The following SI variants were observed in gnomAD, a reference collection of about 807,000 sequenced individuals.
The protein encoded by SI is sucrase-isomaltase, intestinal.
Under a neutral mutation model 253.3 loss-of-function variants are expected in SI, and 235 were observed. The ratio of observed to expected loss-of-function variants is 0.93; its 90% CI spans 0.83 to 1.03. The LOEUF is 1.03. Ranked by LOEUF, SI falls within the 50% of genes least tolerant of loss-of-function variation. The pLI is 0.00. For missense variants in SI, 2,442 were observed against 2,211.1 expected (o/e 1.10, Z -2.09); for synonymous variants, 819 against 712.0 (o/e 1.15, Z -2.39).
At chr3:165,040,899 C>A in intron 18 of SI, 41 bp downstream of exon 18, 1 of 1,510,896 alleles carries the variant, frequency 6.6e-7, no homozygotes, top group South Asian at 1.1e-5. Context: ...TTTGAACATA[C>A]TTTAAAAGGT....
At position 164,998,655 on chromosome 3, in the gene SI, A is replaced by G. The variant is rs780456625; in HGVS notation, c.4425T>C (p.Thr1475=). Residue 1475 remains threonine, a synonymous_variant, in exon 38 of 48, where the codon ACT becomes ACC. Transcript: ENST00000264382. ...KPTHDALQKT[T]GKRGIVISRS... The stretch of plus-strand genomic sequence containing the variant: ...GAGAAATTACAATCCCTCTTTTTCC[A>G]GTTGTCTTCTGCAATGCACTAATAT... 6.2e-7 allele frequency: 1 copy of G among 1,611,406 alleles called. No homozygotes were observed. The highest frequency in any genetic ancestry group is 8.5e-7 in the Non-Finnish European group (1 of 1,178,128).
At chr3:165,004,402 A>C (rs925720014) in intron 37 of SI, among the ~76,000 whole-genome samples, 19 of 152,262 alleles carry the variant, frequency 1.2e-4, no homozygotes, top group African/African-American at 4.3e-4. Context: ...GTTTCCCCAA[A>C]AAATAAAAAT....
intron 25 of SI, among the ~76,000 whole-genome samples, chr3:165,029,372 A>C (rs989632008): frequency 2.0e-5 from 3 of 150,766 alleles, no homozygotes; most frequent in African/African-American, 7.3e-5. Flanking sequence ...AACAGTGTGG[A>C]GATTCCTTAA....
chr3:165,060,012 C>A lies in SI; in HGVS notation c.1036G>T (p.Ala346Ser). ...CCAAGATTCCAATATGCTGGCATTG[C>A]TGGTAGTCCAACAAGCTTAAAGTAA... ...QQYQQLVGLP[A>S]MPAYWNLGFQ... The change falls in exon 10 of 48, where the codon GCA (alanine) becomes TCA (serine). Residue 346 changes from alanine (A) to serine (S), a missense_variant. Ala to Ser is a moderately conservative substitution (Grantham distance 99). Coordinates refer to ENST00000264382, the MANE Select transcript of SI (RefSeq NM_001041.4). 1 of 1,611,594 alleles carries A rather than the reference C, an allele frequency of 6.2e-7. No homozygotes were observed. Among genetic ancestry groups the A allele is most frequent in the Non-Finnish European group, 8.5e-7 (1 of 1,178,374 alleles).
chr3:164,989,111 T>C (rs1576868660), intron 44 of SI, among the ~76,000 whole-genome samples: 3 of 146,596 alleles, frequency 2.0e-5, no homozygotes, highest in Admixed American at 1.3e-4. Context: ...AATAAATACA[T>C]AATTAAAAAA....
intron 9 of SI, 108 bp downstream of exon 9, chr3:165,062,263 T>G (rs1000428042): frequency 4.5e-6 from 3 of 667,002 alleles, no homozygotes; most frequent in Non-Finnish European, 8.1e-6. Flanking sequence ...CGAAAACATT[T>G]AGCTAAGAGG....
chr3:164,980,229 AC>A (rs1433806423), intron 47 of SI, among the ~76,000 whole-genome samples: 1 of 151,956 alleles, frequency 6.6e-6, no homozygotes, highest in African/African-American at 2.4e-5. Context: ...GGATTAATTT[AC>A]CACATTTGAT....
At chr3:165,051,006 T>C (rs1713399279) in intron 13 of SI, among the ~76,000 whole-genome samples, 1 of 152,080 alleles carries the variant, frequency 6.6e-6, no homozygotes, top group South Asian at 2.1e-4. Flanking sequence ...CTGAGACCGA[T>C]GGTGTCACTC....
chr3:165,025,478 C>T (rs1711863368), intron 25 of SI, among the ~76,000 whole-genome samples: 1 of 150,994 alleles, frequency 6.6e-6, no homozygotes, highest in African/African-American at 2.4e-5. Flanking sequence ...TCTAGACATC[C>T]AAATACAAGA....
chr3:165,077,231 C>T (rs1242094093), intron 1 of SI, among the ~76,000 whole-genome samples: 1 of 151,526 alleles, frequency 6.6e-6, no homozygotes, highest in Non-Finnish European at 1.5e-5. Flanking sequence ...TTCAATCCCT[C>T]CCCATCCACT....
chr3:165,040,928 C>T lies in SI; in HGVS notation c.2159+12G>A, dbSNP rs376831754. 221 of 1,591,992 alleles carry T rather than the reference C, an allele frequency of 1.4e-4. 2 individuals carry two copies. The highest frequency in any genetic ancestry group is 5.4e-4 in the South Asian group (49 of 90,670). On this transcript the variant is annotated intron_variant, in intron 18 of 47. Transcript: ENST00000264382. The stretch of plus-strand genomic sequence containing the variant: ...AAAAGGTATTATTATAATTATTGTA[C>T]GTAGTACTCACTCATGAAGAACTGG...
Position 164,998,569 on chromosome 3 carries a change from C to T in SI, c.4511G>A (p.Arg1504Gln), listed in dbSNP as rs569447227. ...GGHWLGDNYA[R>Q]WDNMDKSIIG... is the part of the protein sequence containing the mutation. ...GATTGATTTGTCCATGTTGTCCCATCGTGCATAGTTGTCTCCAAGCCAGTG... is the reference window on the plus strand; with the variant it reads ...GATTGATTTGTCCATGTTGTCCCATTGTGCATAGTTGTCTCCAAGCCAGTG... Residue 1504 changes from arginine to glutamine, a missense_variant, in exon 38 of 48, where the codon CGA becomes CAA. Arg to Gln is a conservative substitution (Grantham distance 43). Transcript: ENST00000264382. 8.1e-6 allele frequency: 13 copies of T among 1,612,026 alleles called. No individual in the cohort carries two copies. The highest frequency in any genetic ancestry group is 1.7e-4 in the Middle Eastern group (1 of 6,038).
chr3:164,997,919 G>A (rs1309976689), intron 38 of SI, among the ~76,000 whole-genome samples: 1 of 151,594 alleles, frequency 6.6e-6, no homozygotes, highest in East Asian at 1.9e-4. Context: ...CCATGTCTTT[G>A]GTGAATAGCG....
Position 165,021,356 on chromosome 3 carries a change from C to G in SI, c.3127G>C (p.Glu1043Gln). 4 of 1,610,462 alleles carry G rather than the reference C, an allele frequency of 2.5e-6. No homozygotes were observed. Among genetic ancestry groups the G allele is most frequent in the Non-Finnish European group, 3.4e-6 (4 of 1,177,414 alleles). The change falls in exon 27 of 48, where the codon GAA becomes CAA. Residue 1043 changes from glutamate (E) to glutamine (Q), a missense_variant. Transcript: ENST00000264382. ...KIYDPQKKRY[E>Q]VPVPLNIPTT... ...GGAATGTTTAACGGTACTGGTACTTCATATCTCTTCTTTTGGGGATCATAA... is the reference window on the plus strand; with the variant it reads ...GGAATGTTTAACGGTACTGGTACTTGATATCTCTTCTTTTGGGGATCATAA...
At chr3:165,045,536 T>C (rs1159310046) in intron 16 of SI, among the ~76,000 whole-genome samples, 1 of 151,992 alleles carries the variant, frequency 6.6e-6, no homozygotes, top group Admixed American at 6.6e-5. Context: ...CCTTTGTATT[T>C]TAAAATTTTT....
intron 45 of SI, among the ~76,000 whole-genome samples, chr3:164,986,285 G>A (rs371337497): frequency 6.6e-6 from 1 of 152,098 alleles, no homozygotes; most frequent in Non-Finnish European, 1.5e-5. Context: ...TTTTCCCAAA[G>A]GCAAGTCACA....
At chr3:165,001,294 T>C (rs1012401120) in intron 37 of SI, among the ~76,000 whole-genome samples, 2 of 151,384 alleles carry the variant, frequency 1.3e-5, no homozygotes, top group African/African-American at 4.8e-5. Context: ...ACAGAATTGT[T>C]ATCCTCATTT....
chr3:165,031,827 A>G (rs1712262949), intron 24 of SI, among the ~76,000 whole-genome samples: 1 of 151,168 alleles, frequency 6.6e-6, no homozygotes, highest in Non-Finnish European at 1.5e-5. Context: ...ACCCAAAGCA[A>G]CATTATGATT....
intron 21 of SI, among the ~76,000 whole-genome samples, 178 bp downstream of exon 21, chr3:165,037,722 A>G (rs1197317880): frequency 1.3e-5 from 2 of 151,834 alleles, no homozygotes; most frequent in East Asian, 3.8e-4. Flanking sequence ...AGATATTTAT[A>G]ATAATATAAA....
Sources: allele counts gnomAD v4.1 joint callset (sites outside exome capture counted in the v4.1 genomes callset), GRCh38; gene constraint gnomAD v4.1.1; transcripts MANE v1.5; gene names NCBI Gene and HGNC (gene_info 2026-07-23, HGNC 2026-07-21).